Variants in OR2C1 observed in about 807,000 individuals in gnomAD.
OR2C1 encodes olfactory receptor family 2 subfamily C member 1.
For missense variants in OR2C1, 468 were observed against 388.3 expected, an observed-to-expected ratio of 1.21 and a Z score of -1.73; for synonymous variants, 209 against 167.3, an observed-to-expected ratio of 1.25 and a Z score of -1.92.
At chr16:3,352,738 C>CTTTTTTTTTTTTTTTTTTTTT (rs56083973), upstream of OR2C1, among the ~76,000 whole-genome samples, 1 of 113,134 alleles carries the variant, frequency 8.8e-6, no homozygotes, top group Non-Finnish European at 1.8e-5. Context: ...TTCTTTCTTT[C>CTTTTTTTTTTTTTTTTTTTTT]TTTTTTTTTT....
chr16:3,335,030 G>A, the OR2C1 span, among the ~76,000 whole-genome samples: 1 of 151,754 alleles, frequency 6.6e-6, no homozygotes, highest in Non-Finnish European at 1.5e-5. Flanking sequence ...TGTTGGCCAG[G>A]CTGGTCTTGA....
the OR2C1 span, among the ~76,000 whole-genome samples, chr16:3,328,479 G>C: frequency 6.6e-6 from 1 of 152,280 alleles, no homozygotes; most frequent in Admixed American, 6.5e-5. Flanking sequence ...ATTCAACATT[G>C]GGAAGATATT....
At chr16:3,346,606 A>G in the OR2C1 span, among the ~76,000 whole-genome samples, 1 of 149,380 alleles carries the variant, frequency 6.7e-6, no homozygotes, top group Non-Finnish European at 1.5e-5. Flanking sequence ...AAATATTTTA[A>G]TGAAAATGTC....
At chr16:3,352,532 T>G (rs2030588590), upstream of OR2C1, among the ~76,000 whole-genome samples, 1 of 152,174 alleles carries the variant, frequency 6.6e-6, no homozygotes, top group African/African-American at 2.4e-5. Context: ...ATAATTTACA[T>G]AAATTTACTA....
the OR2C1 span, chr16:3,323,043 T>C: frequency 6.1e-5 from 44 of 721,730 alleles, no homozygotes; most frequent in East Asian, 2.7e-3. Context: ...GCTACTGTCT[T>C]TTTTTTTAAC....
the OR2C1 span, among the ~76,000 whole-genome samples, chr16:3,326,960 C>T: frequency 6.6e-5 from 10 of 152,242 alleles, no homozygotes; most frequent in East Asian, 1.9e-4. Flanking sequence ...TTTTCAGCTA[C>T]GTGAATCTAT....
chr16:3,331,463 A>G, the OR2C1 span, among the ~76,000 whole-genome samples: 1 of 151,232 alleles, frequency 6.6e-6, no homozygotes, highest in East Asian at 1.9e-4. Flanking sequence ...GTCCTTGCCC[A>G]TGCCTATGTC....
chr16:3,339,495 C>G, the OR2C1 span, among the ~76,000 whole-genome samples: 1 of 152,036 alleles, frequency 6.6e-6, no homozygotes, highest in African/African-American at 2.4e-5. Context: ...CTTGCTCTGT[C>G]GCCCAGGCTG....
chr16:3,338,959 A>G, the OR2C1 span, among the ~76,000 whole-genome samples: 10 of 152,176 alleles, frequency 6.6e-5, no homozygotes, highest in African/African-American at 2.4e-4. Flanking sequence ...TAGTTCCAAA[A>G]TATTTTAATC....
chr16:3,356,174 C>T lies in OR2C1; in HGVS notation c.234C>T (p.Val78=), dbSNP rs2030666516. ...SLDLAFATSS[V]PQMLINLWGP... is the part of the protein sequence containing the mutation. ...ACCTTGCTTTCGCTACTAGTTCAGT[C>T]CCCCAAATGCTGATCAATTTATGGG... Residue 78 remains valine (V), a synonymous_variant, in exon 1 of 1, where the codon GTC becomes GTT. Coordinates refer to ENST00000304936, the MANE Select transcript of OR2C1 (RefSeq NM_012368.3). 2.5e-6 allele frequency: 4 copies of T among 1,614,206 alleles called. No homozygotes were observed. The Middle Eastern group carries it at 6.6e-4, about 266-fold the overall frequency.
the OR2C1 span, among the ~76,000 whole-genome samples, chr16:3,348,888 G>A: frequency 6.6e-6 from 1 of 151,550 alleles, no homozygotes; most frequent in South Asian, 2.1e-4. Flanking sequence ...GGTTTATGTT[G>A]GAACCAGAGA....
chr16:3,346,463 C>T, the OR2C1 span, among the ~76,000 whole-genome samples: 1 of 152,140 alleles, frequency 6.6e-6, no homozygotes, highest in South Asian at 2.1e-4. Context: ...ACCTATGGTC[C>T]CCTTGAGTGG....
the OR2C1 span, among the ~76,000 whole-genome samples, chr16:3,337,780 G>A: frequency 6.6e-6 from 1 of 151,872 alleles, no homozygotes; most frequent in Non-Finnish European, 1.5e-5. Context: ...GTGAAGGTCA[G>A]GTTTCCCTGT....
chr16:3,348,439 A>G, the OR2C1 span, among the ~76,000 whole-genome samples: 2 of 152,182 alleles, frequency 1.3e-5, no homozygotes, highest in Non-Finnish European at 2.9e-5. Context: ...CCCTTGGAGA[A>G]ATTACTGAAT....
chr16:3,347,776 G>GCACAAACGCACACACA, the OR2C1 span, among the ~76,000 whole-genome samples: 1 of 151,406 alleles, frequency 6.6e-6, no homozygotes, highest in Admixed American at 6.6e-5. Context: ...GAACACACAT[G>GCACAAACGCACACACA]CACACACGCA....
chr16:3,350,181 A>G, the OR2C1 span, among the ~76,000 whole-genome samples: 4 of 138,656 alleles, frequency 2.9e-5, no homozygotes, highest in African/African-American at 8.1e-5. Flanking sequence ...TCAACCTCCC[A>G]AGCAGCTGGA....
the OR2C1 span, among the ~76,000 whole-genome samples, chr16:3,338,716 T>A: frequency 6.6e-6 from 1 of 151,970 alleles, no homozygotes; most frequent in Non-Finnish European, 1.5e-5. Context: ...TTTTTGTATT[T>A]TTAGTAGAGA....
the OR2C1 span, among the ~76,000 whole-genome samples, chr16:3,336,624 G>A: frequency 2.3e-3 from 349 of 150,154 alleles, 2 homozygotes; most frequent in African/African-American, 8.1e-3. Context: ...GCCTCCCAAA[G>A]TGCTGGGATT....
chr16:3,356,448 G>A lies in OR2C1; in HGVS notation c.508G>A (p.Gly170Arg). ...ATTCACTCTGCAGCTCCCATTGTGT[G>A]GGCACCGGAGGGTGGAGGGATTCCT... ...STFTLQLPLC[G>R]HRRVEGFLCE... Residue 170 changes from glycine to arginine, a missense_variant, in exon 1 of 1, where the codon GGG (glycine) becomes AGG (arginine). By Grantham distance (125) the Gly-to-Arg change is moderately radical. Transcript: ENST00000304936. 6.2e-7 allele frequency: 1 copy of A among 1,613,944 alleles called. No homozygotes were observed. The highest frequency in any genetic ancestry group is 8.5e-7 in the Non-Finnish European group (1 of 1,180,042).
Sources: gnomAD v4.1 joint callset for allele counts (sites outside exome capture counted in the v4.1 genomes callset) on GRCh38, gnomAD v4.1.1 for gene constraint, MANE v1.5 for transcripts, NCBI Gene and HGNC (gene_info 2026-07-23, HGNC 2026-07-21) for gene names.